Variants in SNX27 observed in about 807,000 individuals in gnomAD.
SNX27 encodes the protein sorting nexin 27.
Under a neutral mutation model 71.6 loss-of-function variants are expected in SNX27, and 22 were observed. The ratio of observed to expected loss-of-function variants is 0.31; its 90% CI spans 0.22 to 0.44. The LOEUF is 0.44. Ranked by LOEUF, SNX27 falls within the 20% of genes least tolerant of loss-of-function variation. The probability of loss-of-function intolerance (pLI) is 1.00; values close to 1 mark genes in which losing one functional copy is unlikely to be tolerated. For missense variants in SNX27, 531 were observed against 698.6 expected (o/e 0.76, Z 2.70); for synonymous variants, 269 against 277.2 (o/e 0.97, Z 0.29).
chr1:151,662,306 G>C (rs775795291), intron 5 of SNX27, 36 bp downstream of exon 5: 7 of 1,392,068 alleles, frequency 5.0e-6, no homozygotes, highest in Non-Finnish European at 6.1e-6. Context: ...GACATTGGAT[G>C]GTGTGAAGCT....
At chr1:151,624,842 C>G (rs1667847837) in intron 1 of SNX27, among the ~76,000 whole-genome samples, 1 of 152,000 alleles carries the variant, frequency 6.6e-6, no homozygotes, top group South Asian at 2.1e-4. Context: ...ATAAATCTAC[C>G]TGATTATATT....
chr1:151,626,996 C>T (rs1025933323), intron 1 of SNX27, among the ~76,000 whole-genome samples: 3 of 152,170 alleles, frequency 2.0e-5, no homozygotes, highest in African/African-American at 4.8e-5. Context: ...ATTGGTTTTA[C>T]AGACCAAGAT....
At chr1:151,684,228 A>G (rs1023303684) in intron 8 of SNX27, among the ~76,000 whole-genome samples, 10 of 152,188 alleles carry the variant, frequency 6.6e-5, no homozygotes, top group African/African-American at 2.4e-4. Flanking sequence ...ATTTGATTCA[A>G]TAGCTACTAG....
chr1:151,673,055 G>A (rs1210729553), intron 7 of SNX27, among the ~76,000 whole-genome samples: 8 of 151,130 alleles, frequency 5.3e-5, no homozygotes, highest in African/African-American at 1.9e-4. Flanking sequence ...TCTTTAAGAT[G>A]CATCATTGTT....
chr1:151,640,389 A>G (rs1041274394), intron 2 of SNX27, among the ~76,000 whole-genome samples: 2 of 152,014 alleles, frequency 1.3e-5, no homozygotes, highest in African/African-American at 2.4e-5. Flanking sequence ...TATTATATAT[A>G]TTTTTTAAGA....
rs1285243191 is a variant in SNX27, at chr1:151,668,707, C to T, written c.1149+72C>T. The T allele has an allele frequency of 7.8e-6, 11 of 1,404,384 alleles. No individual in the cohort carries two copies. In the African/African-American group the frequency reaches 1.1e-4, roughly 15 times the overall value. The allele number at this position is 1,404,384 out of a possible 1,614,324, so 87.0% of individuals were successfully genotyped here. ...GAATATAGTTGGTACTTTGCCAATTCCCTGTAAATCCTTAGACAGGCTGCT... is the reference window on the plus strand; with the variant it reads ...GAATATAGTTGGTACTTTGCCAATTTCCTGTAAATCCTTAGACAGGCTGCT... On this transcript the variant is annotated intron_variant, in intron 7 of 11. Transcript: ENST00000458013.
chr1:151,658,633 C>T (rs905161014), intron 3 of SNX27, among the ~76,000 whole-genome samples: 2 of 152,066 alleles, frequency 1.3e-5, no homozygotes, highest in Admixed American at 6.5e-5. Context: ...TTGTTGAATG[C>T]TTAACAACAA....
At chr1:151,628,091 A>G (rs1571771736) in intron 1 of SNX27, among the ~76,000 whole-genome samples, 1 of 148,562 alleles carries the variant, frequency 6.7e-6, no homozygotes, top group Non-Finnish European at 1.5e-5. Flanking sequence ...ACTGCAACCT[A>G]CACCTCCTGG....
intron 1 of SNX27, among the ~76,000 whole-genome samples, chr1:151,631,747 G>A (rs938431750): frequency 4.6e-5 from 7 of 152,170 alleles, no homozygotes; most frequent in Admixed American, 2.0e-4. Flanking sequence ...GTGCGGTGGC[G>A]CAATCTCAGC....
At chr1:151,639,631 A>G (rs187566734) in intron 2 of SNX27, among the ~76,000 whole-genome samples, 203 of 152,262 alleles carry the variant, frequency 1.3e-3, no homozygotes, top group African/African-American at 4.8e-3. Flanking sequence ...CGTGTGAATG[A>G]TTAACTGTGG....
chr1:151,641,600 T>TAG (rs1233005835), intron 2 of SNX27, among the ~76,000 whole-genome samples: 77 of 50,724 alleles, frequency 1.5e-3, no homozygotes, highest in Non-Finnish European at 1.7e-3. Context: ...CTTTATCAGA[T>TAG]ATATATATAT....
At chr1:151,678,472 T>C (rs1670795486) in intron 7 of SNX27, 1 of 152,230 alleles carries the variant, frequency 6.6e-6, no homozygotes, top group South Asian at 2.1e-4. Context: ...ATATGTTGTA[T>C]GTATATCCCA....
chr1:151,650,000 G>A (rs973998736), intron 2 of SNX27, among the ~76,000 whole-genome samples: 33 of 152,050 alleles, frequency 2.2e-4, no homozygotes, highest in Non-Finnish European at 4.4e-4. Context: ...CAATTCTCCT[G>A]CCTCAGCCTC....
rs141189267 is a variant in SNX27 at position 151,656,094 on chromosome 1, G to C, written c.544-2141G>C. 5.4e-3 allele frequency among the ~76,000 whole-genome samples: 822 copies of C among 152,074 alleles called. 7 individuals are homozygous for C. The highest frequency in any genetic ancestry group is 0.019 in the African/African-American group (789 of 41,494). ...AAAAATTAGCCGGCCATGGTGGTGG[G>C]TGCCTGTAGTCTCAGCTACTTGGGA... On this transcript the variant is annotated intron_variant, in intron 2 of 11. Coordinates refer to ENST00000458013, the MANE Select transcript of SNX27 (RefSeq NM_001330723.2).
intron 1 of SNX27, among the ~76,000 whole-genome samples, chr1:151,617,776 A>G (rs1300001236): frequency 2.6e-5 from 4 of 152,122 alleles, no homozygotes; most frequent in Non-Finnish European, 5.9e-5. Flanking sequence ...CCTATTTTAT[A>G]AGACAGGAAA....
intron 2 of SNX27, among the ~76,000 whole-genome samples, chr1:151,647,132 CT>C (rs56999871): frequency 2.1e-3 from 271 of 130,292 alleles, no homozygotes; most frequent in African/African-American, 6.4e-3. Flanking sequence ...ATCTCTATTA[CT>C]TTTTTTTTTT....
intron 8 of SNX27, among the ~76,000 whole-genome samples, chr1:151,683,942 C>T (rs1283921215): frequency 1.3e-5 from 2 of 152,178 alleles, no homozygotes; most frequent in Non-Finnish European, 2.9e-5. Context: ...GCTGGGATTA[C>T]AGGACTGAGC....
chr1:151,693,072 T>C, intron 10 of SNX27, 33 bp downstream of exon 10: 1 of 1,596,154 alleles, frequency 6.3e-7, no homozygotes, highest in Non-Finnish European at 8.5e-7. Flanking sequence ...AACTGGGACT[T>C]AGTTTGTTTT....
At chr1:151,659,825 T>G (rs1203216904) in intron 3 of SNX27, 1 of 152,240 alleles carries the variant, frequency 6.6e-6, no homozygotes, top group African/African-American at 2.4e-5. Context: ...CTTGCTACAT[T>G]ATAAAGTTAT....
Sources: gnomAD v4.1 joint callset for allele counts (sites outside exome capture counted in the v4.1 genomes callset) on GRCh38, gnomAD v4.1.1 for gene constraint, MANE v1.5 for transcripts, NCBI Gene and HGNC (gene_info 2026-07-23, HGNC 2026-07-21) for gene names.